Variants in SNTG2 observed in about 807,000 individuals in gnomAD.
SNTG2 encodes the protein syntrophin gamma 2, also known as gamma-2-syntrophin.
In SNTG2, 74 loss-of-function variants were observed where a neutral mutation model predicts 70.9. The observed-to-expected ratio is 1.04, with a 90% CI of 0.86 to 1.27. The LOEUF (loss-of-function observed/expected upper bound fraction) is 1.27, where lower values mean the gene tolerates loss of function less well. Among genes scored for constraint, SNTG2 ranks in the 50% most tolerant of loss-of-function variants. SNTG2 has a pLI of 0.00. For missense variants in SNTG2, 717 were observed against 690.7 expected, an observed-to-expected ratio of 1.04 and a Z score of -0.43; for synonymous variants, 278 against 273.8, an observed-to-expected ratio of 1.02 and a Z score of -0.15.
chr2:1,327,096 T>A (rs2148279104), intron 16 of SNTG2, among the ~76,000 whole-genome samples: 1 of 152,224 alleles, frequency 6.6e-6, no homozygotes, highest in South Asian at 2.1e-4. Context: ...CTCCAGTTTT[T>A]GTTGCTGGAA....
Position 1,353,501 on chromosome 2 carries a change from C to A in SNTG2, c.1489-13842C>A, listed in dbSNP as rs1660691524. On this transcript the variant is annotated intron_variant, in intron 16 of 16. Coordinates refer to ENST00000308624, the MANE Select transcript of SNTG2 (RefSeq NM_018968.4). The surrounding 1 kb of genome is among the most constrained non-coding windows in gnomAD (Gnocchi z 4.2). Reference sequence around the variant, plus strand: ...TCCAGGTATTCATTCATGCATTGAACAACCATCTCTTTCAAGTCTTGCTTT... The same window carrying A: ...TCCAGGTATTCATTCATGCATTGAAAAACCATCTCTTTCAAGTCTTGCTTT... Among the ~76,000 whole-genome samples, 1 of 152,206 alleles carries A rather than the reference C, an allele frequency of 6.6e-6. No individual in the cohort carries two copies. Among genetic ancestry groups the A allele is most frequent in the Non-Finnish European group, 1.5e-5 (1 of 68,044 alleles).
intron 15 of SNTG2, among the ~76,000 whole-genome samples, chr2:1,310,228 C>G (rs1445012353): frequency 3.3e-5 from 5 of 152,220 alleles, no homozygotes; most frequent in African/African-American, 1.2e-4. Flanking sequence ...AGCCTGTGAG[C>G]TCCTCCTTTC....
intron 1 of SNTG2, among the ~76,000 whole-genome samples, chr2:1,003,945 G>A (rs1294140440): frequency 6.6e-6 from 1 of 151,938 alleles, no homozygotes; most frequent in African/African-American, 2.4e-5. Flanking sequence ...CTGTATTCTG[G>A]GGCTTCTGAA....
intron 1 of SNTG2, among the ~76,000 whole-genome samples, chr2:1,055,056 A>G (rs1352392514): frequency 6.6e-6 from 1 of 151,974 alleles, no homozygotes; most frequent in African/African-American, 2.4e-5. Context: ...GTGTGAGTCT[A>G]TAAATGCTGT....
At chr2:1,216,146 G>A (rs2148010490) in intron 9 of SNTG2, among the ~76,000 whole-genome samples, 1 of 152,290 alleles carries the variant, frequency 6.6e-6, no homozygotes, top group Middle Eastern at 3.4e-3. Flanking sequence ...TTCCACAATG[G>A]TTGAACTAGT....
rs150606491 is a variant in SNTG2 at position 1,005,334 on chromosome 2, G to A, written c.72+54266G>A. ...GTAAACCATGACTCTGGGTGACGAGGACATGTCCACGTAGGTTCACCAATG... is the reference window on the plus strand; with the variant it reads ...GTAAACCATGACTCTGGGTGACGAGAACATGTCCACGTAGGTTCACCAATG... On this transcript the variant is annotated intron_variant, in intron 1 of 16. Coordinates refer to ENST00000308624, the MANE Select transcript of SNTG2 (RefSeq NM_018968.4). 3.3e-5 allele frequency among the ~76,000 whole-genome samples: 5 copies of A among 152,074 alleles called. No homozygotes were observed. The East Asian group carries it at 9.7e-4, about 30-fold the overall frequency.
intron 1 of SNTG2, among the ~76,000 whole-genome samples, chr2:965,252 A>G (rs868002617): frequency 3.5e-4 from 41 of 116,596 alleles, no homozygotes; most frequent in Middle Eastern, 6.0e-3. Context: ...TTGGACCCCA[A>G]TCCTCCTCCT....
At chr2:956,569 C>T (rs996253183) in intron 1 of SNTG2, among the ~76,000 whole-genome samples, 26 of 152,364 alleles carry the variant, frequency 1.7e-4, no homozygotes, top group African/African-American at 5.8e-4. Flanking sequence ...GCGGAGGACC[C>T]GCTCCCCCAG....
intron 7 of SNTG2, among the ~76,000 whole-genome samples, chr2:1,170,245 C>T (rs1331107917): frequency 1.3e-5 from 2 of 152,204 alleles, no homozygotes; most frequent in Non-Finnish European, 2.9e-5. Context: ...ACAATTCATG[C>T]AACAGAAAAT....
At chr2:1,025,685 C>G (rs1660442293) in intron 1 of SNTG2, among the ~76,000 whole-genome samples, 1 of 152,144 alleles carries the variant, frequency 6.6e-6, no homozygotes, top group Admixed American at 6.5e-5. Flanking sequence ...TGACCCTGGC[C>G]CTCCTGTCCC....
intron 13 of SNTG2, among the ~76,000 whole-genome samples, chr2:1,264,384 G>A (rs552011309): frequency 6.6e-6 from 1 of 152,280 alleles, no homozygotes; most frequent in Admixed American, 6.5e-5. Context: ...GCAGAGCATG[G>A]TAACGAGTGA....
intron 7 of SNTG2, among the ~76,000 whole-genome samples, chr2:1,166,515 T>C (rs959654993): frequency 6.6e-6 from 1 of 152,188 alleles, no homozygotes; most frequent in Admixed American, 6.5e-5. Context: ...CTTCCTTCTC[T>C]CCTGCCCCGA....
intron 1 of SNTG2, among the ~76,000 whole-genome samples, chr2:994,274 G>GGAAGA (rs1661601737): frequency 2.0e-5 from 3 of 151,992 alleles, no homozygotes; most frequent in Admixed American, 2.0e-4. Context: ...TCTCTCCTTT[G>GGAAGA]AATTGTCCTG....
chr2:1,093,675 G>A (rs1364839551), intron 2 of SNTG2, among the ~76,000 whole-genome samples: 4 of 152,318 alleles, frequency 2.6e-5, no homozygotes, highest in Admixed American at 6.5e-5. Flanking sequence ...TTAAAATAAC[G>A]ATTTTTCATG....
At position 1,221,465 on chromosome 2, in the gene SNTG2, G is replaced by C. The variant is rs200405793; in HGVS notation, c.719+12235G>C. On this transcript the variant is annotated intron_variant, in intron 9 of 16. Transcript: ENST00000308624. ...TCTGTCTCTGTCTCTCTCTGTCTCT[G>C]TCTCTCTGTCTCTCTCTCTCTCTGT... 3.4e-3 allele frequency among the ~76,000 whole-genome samples: 71 copies of C among 20,706 alleles called. 1 individual carries two copies. The highest frequency in any genetic ancestry group is 0.019 in the South Asian group (7 of 370). The allele number at this position is 20,706 out of a possible 152,430, so 13.6% of individuals were successfully genotyped here.
At chr2:1,242,095 T>C (rs1677090026) in intron 11 of SNTG2, among the ~76,000 whole-genome samples, 2 of 152,210 alleles carry the variant, frequency 1.3e-5, no homozygotes, top group East Asian at 1.9e-4. Context: ...AGCTTCATTA[T>C]GTAGGATGAT....
chr2:1,346,891 T>C, intron 16 of SNTG2, among the ~76,000 whole-genome samples: 1 of 152,034 alleles, frequency 6.6e-6, no homozygotes, highest in South Asian at 2.1e-4. Flanking sequence ...AAGCTTTGTC[T>C]AAAGACTTGA....
chr2:1,272,752 AGCGG>A (rs1402576554), intron 14 of SNTG2, among the ~76,000 whole-genome samples: 7 of 147,178 alleles, frequency 4.8e-5, no homozygotes, highest in African/African-American at 1.0e-4. Flanking sequence ...CACCCCAGGG[AGCGG>A]GTGCAGAAAG....
At chr2:1,212,914 G>A (rs913689510) in intron 9 of SNTG2, among the ~76,000 whole-genome samples, 1 of 152,168 alleles carries the variant, frequency 6.6e-6, no homozygotes, top group African/African-American at 2.4e-5. Context: ...ACAGGTTTTA[G>A]AATCTTAAAA....
Sources: gnomAD v4.1 joint callset for allele counts (sites outside exome capture counted in the v4.1 genomes callset) on GRCh38, gnomAD v4.1.1 for gene constraint, Gnocchi (gnomAD v3.1) non-coding constraint, MANE v1.5 for transcripts, NCBI Gene and HGNC (gene_info 2026-07-23, HGNC 2026-07-21) for gene names.